IGFL3: variants seen among roughly 807,000 people sequenced by gnomAD.
IGFL3 encodes insulin growth factor-like family member 3.
IGFL3 carries 12 observed loss-of-function variants against 17.0 expected under a neutral mutation model. The ratio of observed to expected loss-of-function variants is 0.71; its 90% CI spans 0.45 to 1.14. The LOEUF is 1.14. IGFL3 is among the 50% of genes most tolerant of loss of function. The probability of loss-of-function intolerance (pLI) is 0.00; values close to 1 mark genes in which losing one functional copy is unlikely to be tolerated. For missense variants in IGFL3, 153 were observed against 151.6 expected, an observed-to-expected ratio of 1.01 and a Z score of -0.05; for synonymous variants, 52 against 57.4, an observed-to-expected ratio of 0.91 and a Z score of 0.42.
chr19:46,120,831 AATG>A (rs1971720932), intron 3 of IGFL3, among the ~76,000 whole-genome samples: 2 of 151,054 alleles, frequency 1.3e-5, no homozygotes, highest in African/African-American at 4.9e-5. Context: ...ACCACAGAAA[AATG>A]AGAAATATTG....
Position 46,120,223 on chromosome 19 carries a change from C to A in IGFL3, c.*107G>T. 6.5e-7 allele frequency: 1 copy of A among 1,530,068 alleles called. No homozygotes were observed. 94.8% of individuals were successfully genotyped at this position (1,530,068 alleles called of 1,614,324 possible). The stretch of plus-strand genomic sequence containing the variant: ...CCAAAGCTATGTCATTGAGCCATCC[C>A]TCTGAAGTCAAGTTGCTTCTCTCCG... On this transcript the variant is annotated 3_prime_UTR_variant, in exon 4 of 4. Coordinates refer to ENST00000341415, the MANE Select transcript of IGFL3 (RefSeq NM_207393.2).
chr19:46,121,394 G>GAA (rs113082923), intron 3 of IGFL3, among the ~76,000 whole-genome samples: 2,233 of 124,356 alleles, frequency 0.018, 119 homozygotes, highest in African/African-American at 0.056. Context: ...ATCCTGTCTT[G>GAA]AAAAAAAAAA....
At chr19:46,121,714 T>A (rs1971784606) in intron 3 of IGFL3, among the ~76,000 whole-genome samples, 1 of 150,692 alleles carries the variant, frequency 6.6e-6, no homozygotes, top group African/African-American at 2.5e-5. Flanking sequence ...TTAGAAAATG[T>A]AGGTAAAGAA....
chr19:46,120,247 C>T lies in IGFL3; in HGVS notation c.*83G>A, dbSNP rs187837018. The T allele has an allele frequency of 4.5e-5, 71 of 1,590,062 alleles. 4 individuals carry two copies. The Admixed American group carries it at 8.4e-4, about 19-fold the overall frequency. Reference sequence around the variant, plus strand: ...CCTCTGAAGTCAAGTTGCTTCTCTCCGAAGTTCAACTGTAGTCTCCGATGT... The same window carrying T: ...CCTCTGAAGTCAAGTTGCTTCTCTCTGAAGTTCAACTGTAGTCTCCGATGT... On this transcript the variant is annotated 3_prime_UTR_variant, in exon 4 of 4. Coordinates refer to ENST00000341415, the MANE Select transcript of IGFL3 (RefSeq NM_207393.2).
intron 1 of IGFL3, 84 bp downstream of exon 1, chr19:46,124,541 A>T: frequency 7.5e-7 from 1 of 1,324,670 alleles, no homozygotes; most frequent in South Asian, 1.2e-5. Context: ...AATGTTAGAG[A>T]TAAAGAGGAA....
chr19:46,120,199 C>T lies in IGFL3; in HGVS notation c.*131G>A. 15 of 1,387,764 alleles carry T rather than the reference C, an allele frequency of 1.1e-5. No homozygotes were observed. The highest frequency in any genetic ancestry group is 1.2e-5 in the Non-Finnish European group (12 of 1,025,994). 86.0% of individuals were successfully genotyped at this position (1,387,764 alleles called of 1,614,324 possible). A position where few individuals can be genotyped will look rare whatever the true frequency, so the allele number is the denominator to read the frequency against. On this transcript the variant is annotated 3_prime_UTR_variant, in exon 4 of 4. Transcript: ENST00000341415. ...GGCCATCCCCAGCTGGGCTCCTCTC[C>T]AAAGCTATGTCATTGAGCCATCCCT...
intron 3 of IGFL3, among the ~76,000 whole-genome samples, chr19:46,123,121 ATTTTTTAATAGT>A (rs1185966839): frequency 6.6e-6 from 1 of 150,850 alleles, no homozygotes; most frequent in Non-Finnish European, 1.5e-5. Context: ...AGCTACAGGA[ATTTTTTAATAGT>A]TTTTTTAATT....
chr19:46,121,406 AAAAG>A (rs1164923537), intron 3 of IGFL3, among the ~76,000 whole-genome samples: 7 of 148,754 alleles, frequency 4.7e-5, no homozygotes, highest in Non-Finnish European at 1.0e-4. Flanking sequence ...AAAAAAAAAA[AAAAG>A]AAGAAGAAAA....
Position 46,124,295 on chromosome 19 carries a change from G to A in IGFL3, c.52C>T (p.Leu18Phe), listed in dbSNP as rs1971965402. The part of the protein sequence containing the change: ...LALVCWITVF[L>F]LQCSKGTTDA... ...GTAGTTCCTTTTGAACACTGGAGGA[G>A]GAAGACTGTTATCCAGCAGACAAGA... Residue 18 changes from leucine to phenylalanine, a missense_variant, in exon 2 of 4, where the codon CTC becomes TTC. Coordinates refer to ENST00000341415, the MANE Select transcript of IGFL3 (RefSeq NM_207393.2). 1 of 1,610,710 alleles carries A rather than the reference G, an allele frequency of 6.2e-7. No individual in the cohort carries two copies.
In IGFL3 at chr19:46,124,313, A is replaced by C. The variant is rs199508051; in HGVS notation, c.34T>G (p.Cys12Gly). Residue 12 changes from cysteine (C) to glycine (G), a missense_variant, in exon 2 of 4, where the codon TGC (cysteine) becomes GGC (glycine). Transcript: ENST00000341415. Reference sequence around the variant, plus strand: ...TGGAGGAGGAAGACTGTTATCCAGCAGACAAGAGCTAAGGGAGAAAGGAAA... The same window carrying C: ...TGGAGGAGGAAGACTGTTATCCAGCCGACAAGAGCTAAGGGAGAAAGGAAA... ...RPRCCILALV[C>G]WITVFLLQCS... The C allele has an allele frequency of 5.0e-6, 8 of 1,610,248 alleles. No homozygotes were observed. Among genetic ancestry groups the C allele is most frequent in the Non-Finnish European group, 6.8e-6 (8 of 1,178,628 alleles).
Position 46,124,391 on chromosome 19 carries a change from A to T in IGFL3, c.26-70T>A. On this transcript the variant is annotated intron_variant, in intron 1 of 3. Transcript: ENST00000341415. ...ACAAGTATGGAAAAAACAAACAAACAAACAAACAGAGGTTAGGGTGGTTTA... is the reference window on the plus strand; with the variant it reads ...ACAAGTATGGAAAAAACAAACAAACTAACAAACAGAGGTTAGGGTGGTTTA... The T allele has an allele frequency of 2.0e-6, 3 of 1,484,778 alleles. No individual in the cohort carries two copies. The East Asian group carries it at 6.9e-5, about 34-fold the overall frequency. 92.0% of individuals were successfully genotyped at this position (1,484,778 alleles called of 1,614,324 possible). A position where few individuals can be genotyped will look rare whatever the true frequency, so the allele number is the denominator to read the frequency against.
chr19:46,124,557 C>T lies in IGFL3; in HGVS notation c.25+68G>A, dbSNP rs373143824. 443 of 1,395,840 alleles carry T rather than the reference C, an allele frequency of 3.2e-4. 12 individuals are homozygous for T. The highest frequency in any genetic ancestry group is 8.8e-4 in the South Asian group (76 of 86,202). The allele number at this position is 1,395,840 out of a possible 1,614,324, so 86.5% of individuals were successfully genotyped here. On this transcript the variant is annotated intron_variant, in intron 1 of 3. Transcript: ENST00000341415. ...ATGTTAGAGATAAAGAGGAATAAAT[C>T]GGGTTGAGGTTTGGGAGCTGCACTG...
intron 3 of IGFL3, 88 bp from the exon 4 acceptor site, chr19:46,120,445 G>T: frequency 6.4e-7 from 1 of 1,560,774 alleles, no homozygotes; most frequent in South Asian, 1.2e-5. Context: ...TAACAAACTT[G>T]ACTTTAACAG....
rs1971979993 is a variant in IGFL3 at position 46,124,466 on chromosome 19, G to A, written c.26-145C>T. The A allele has an allele frequency of 5.2e-6, 6 of 1,149,370 alleles. No homozygotes were observed. The South Asian group carries it at 6.4e-5, about 12-fold the overall frequency. The allele number at this position is 1,149,370 out of a possible 1,614,324, so 71.2% of individuals were successfully genotyped here. ...TAAGTCTGTATGGGATCCCGTTCAG[G>A]CAGGCCCTGAGCAGCACGCTCAGTC... On this transcript the variant is annotated intron_variant, in intron 1 of 3. Coordinates refer to ENST00000341415, the MANE Select transcript of IGFL3 (RefSeq NM_207393.2).
At chr19:46,123,428 G>A (rs1458207611) in intron 3 of IGFL3, among the ~76,000 whole-genome samples, 4 of 150,930 alleles carry the variant, frequency 2.7e-5, no homozygotes, top group Non-Finnish European at 5.9e-5. Context: ...TTTAAGTAAA[G>A]TAAGGAAAAA....
Position 46,124,494 on chromosome 19 carries a change from C to T in IGFL3, c.25+131G>A, listed in dbSNP as rs558958835. 2.6e-6 allele frequency: 3 copies of T among 1,152,168 alleles called. 1 individual carries two copies. The highest frequency in any genetic ancestry group is 4.8e-5 in the East Asian group (2 of 41,926). The allele number at this position is 1,152,168 out of a possible 1,614,324, so 71.4% of individuals were successfully genotyped here. A position where few individuals can be genotyped will look rare whatever the true frequency, so the allele number is the denominator to read the frequency against. On this transcript the variant is annotated intron_variant, in intron 1 of 3. Coordinates refer to ENST00000341415, the MANE Select transcript of IGFL3 (RefSeq NM_207393.2). ...GGCCCTGAGCAGCACGCTCAGTCAC[C>T]CTTTGAGGTGACTAGTAGGGCACAG...
At chr19:46,123,777 C>G in intron 3 of IGFL3, 109 bp downstream of exon 3, 1 of 1,264,200 alleles carries the variant, frequency 7.9e-7, no homozygotes, top group Non-Finnish European at 1.1e-6. Context: ...TGCCACCAGC[C>G]TGACTCTTTT....
chr19:46,124,062 A>G lies in IGFL3; in HGVS notation c.174T>C (p.Asp58=), dbSNP rs1309923926. The G allele has an allele frequency of 6.2e-7, 1 of 1,611,446 alleles. No individual in the cohort carries two copies. The highest frequency in any genetic ancestry group is 1.4e-5 in the African/African-American group (1 of 73,852). The change falls in exon 3 of 4, where the codon GAT becomes GAC. Residue 58 remains aspartate (D), a synonymous_variant. Transcript: ENST00000341415. The part of the protein sequence containing the change: ...YNPSEQCCYD[D]AILSLKETRR... The stretch of plus-strand genomic sequence containing the variant: ...GGGTCTCCTTTAAGGATAAGATGGC[A>G]TCATCATAACAGCACTGCTCTGAAG...
rs779028542 is a variant in IGFL3, at chr19:46,123,851, A to C, written c.350+35T>G. ...CCTCTGTATCCCTCATCCCTCCCTC[A>C]TTCCTTTAGTTAAGAGCAAGGTAGG... On this transcript the variant is annotated intron_variant, in intron 3 of 3. Coordinates refer to ENST00000341415, the MANE Select transcript of IGFL3 (RefSeq NM_207393.2). The C allele has an allele frequency of 4.0e-5, 63 of 1,570,592 alleles. 1 individual carries two copies. Among genetic ancestry groups the C allele is most frequent in the Non-Finnish European group, 5.2e-5 (60 of 1,157,384 alleles).
Sources: gnomAD v4.1 joint callset for allele counts (sites outside exome capture counted in the v4.1 genomes callset) on GRCh38, gnomAD v4.1.1 for gene constraint, MANE v1.5 for transcripts, NCBI Gene and HGNC (gene_info 2026-07-23, HGNC 2026-07-21) for gene names.